NPAS3: variants seen among roughly 807,000 people sequenced by gnomAD.
NPAS3 encodes neuronal PAS domain-containing protein 3.
In NPAS3, 14 loss-of-function variants were observed where a neutral mutation model predicts 73.1. The ratio of observed to expected loss-of-function variants is 0.19; its 90% CI spans 0.13 to 0.30. The LOEUF is 0.30. NPAS3 is among the 10% of genes least tolerant of loss of function. NPAS3 has a pLI of 1.00. For missense variants in NPAS3, 1,096 were observed against 1,250.0 expected (o/e 0.88, Z 1.86); for synonymous variants, 620 against 541.5 (o/e 1.14, Z -2.01).
At chr14:33,486,345 A>G (rs1184264529) in intron 4 of NPAS3, among the ~76,000 whole-genome samples, 1 of 152,030 alleles carries the variant, frequency 6.6e-6, no homozygotes. Context: ...AGCTTTTCTC[A>G]GCCCTGAGCA....
intron 3 of NPAS3, among the ~76,000 whole-genome samples, chr14:33,248,283 T>C (rs1430005805): frequency 6.6e-6 from 1 of 152,224 alleles, no homozygotes; most frequent in Non-Finnish European, 1.5e-5. Context: ...CACTGCCACG[T>C]TGGCTGTCAT....
intron 4 of NPAS3, among the ~76,000 whole-genome samples, chr14:33,445,665 C>G (rs1016353104): frequency 6.6e-6 from 1 of 152,232 alleles, no homozygotes; most frequent in Non-Finnish European, 1.5e-5. Flanking sequence ...AGACCCAGAG[C>G]TTTAAATCTT....
intron 6 of NPAS3, among the ~76,000 whole-genome samples, chr14:33,693,614 T>A (rs572324034): frequency 6.6e-6 from 1 of 152,274 alleles, no homozygotes; most frequent in Non-Finnish European, 1.5e-5. Context: ...AGCGTAAAGA[T>A]CAGTTTCTTG....
At chr14:33,269,238 G>A (rs2040960723) in intron 3 of NPAS3, among the ~76,000 whole-genome samples, 2 of 152,148 alleles carry the variant, frequency 1.3e-5, no homozygotes, top group South Asian at 2.1e-4. Flanking sequence ...TCAGGCTTTA[G>A]TGAAAATCCT....
chr14:33,237,156 A>C (rs1041972296), intron 3 of NPAS3, among the ~76,000 whole-genome samples: 11 of 152,108 alleles, frequency 7.2e-5, no homozygotes, highest in Non-Finnish European at 2.9e-5. Context: ...TGTTCATTGA[A>C]TCTTTACTAT....
intron 3 of NPAS3, among the ~76,000 whole-genome samples, chr14:33,347,359 T>C (rs186648382): frequency 6.6e-6 from 1 of 152,330 alleles, no homozygotes; most frequent in East Asian, 1.9e-4. Flanking sequence ...ATTGGCACTG[T>C]GGGTTGTAAA....
chr14:33,381,013 T>C (rs1025658600), intron 4 of NPAS3, among the ~76,000 whole-genome samples: 1 of 152,076 alleles, frequency 6.6e-6, no homozygotes, highest in Admixed American at 6.6e-5. Context: ...TTTTTTTTTT[T>C]GTAAGTGGGA....
At chr14:33,600,497 A>G (rs186504282) in intron 5 of NPAS3, among the ~76,000 whole-genome samples, 1 of 152,336 alleles carries the variant, frequency 6.6e-6, no homozygotes, top group East Asian at 1.9e-4. Context: ...AACTGAATGA[A>G]TAGAATTGTA....
chr14:33,724,633 C>A (rs2140567403), intron 6 of NPAS3, among the ~76,000 whole-genome samples: 1 of 151,738 alleles, frequency 6.6e-6, no homozygotes. Context: ...ACACCAATCT[C>A]AAAAACAACA....
intron 4 of NPAS3, among the ~76,000 whole-genome samples, chr14:33,524,543 C>T (rs2053706099): frequency 6.6e-6 from 1 of 152,174 alleles, no homozygotes. Flanking sequence ...TCTACATGAT[C>T]TTAAAGCTTA....
intron 4 of NPAS3, among the ~76,000 whole-genome samples, chr14:33,421,010 G>A (rs988345011): frequency 1.3e-5 from 2 of 151,858 alleles, no homozygotes; most frequent in African/African-American, 2.4e-5. Flanking sequence ...AAGTGCTGTC[G>A]AATAACCAGG....
chr14:33,042,624 C>A (rs987391771), intron 1 of NPAS3, among the ~76,000 whole-genome samples: 1 of 152,182 alleles, frequency 6.6e-6, no homozygotes, highest in African/African-American at 2.4e-5. Context: ...GGCCACTTCA[C>A]ACAACCATTG....
At chr14:33,781,409 C>T (rs2062975124) in intron 9 of NPAS3, among the ~76,000 whole-genome samples, 2 of 152,182 alleles carry the variant, frequency 1.3e-5, no homozygotes, top group Admixed American at 1.3e-4. Flanking sequence ...AAAGCCAGCC[C>T]AGTAACAAAA....
chr14:32,985,095 T>C (rs1395488712), intron 1 of NPAS3, among the ~76,000 whole-genome samples: 4 of 148,852 alleles, frequency 2.7e-5, no homozygotes, highest in Non-Finnish European at 3.0e-5. Context: ...TATTTGTTGA[T>C]ATTCATGGGG....
chr14:33,360,494 C>T lies in NPAS3; in HGVS notation c.386-6692C>T, dbSNP rs2045548978. The stretch of plus-strand genomic sequence containing the variant: ...AAAAAGAGGAAATTCTCATTTCTTT[C>T]ACTGTATAAAGGGAATTAAATAGTT... On this transcript the variant is annotated intron_variant, in intron 3 of 11. Coordinates refer to ENST00000356141, the Ensembl canonical transcript of NPAS3. 2.0e-5 allele frequency among the ~76,000 whole-genome samples: 3 copies of T among 152,124 alleles called. No homozygotes were observed. The South Asian group carries it at 6.3e-4, about 32-fold the overall frequency.
At chr14:33,530,395 T>G (rs1327485509) in intron 4 of NPAS3, among the ~76,000 whole-genome samples, 2 of 152,192 alleles carry the variant, frequency 1.3e-5, no homozygotes. Context: ...GCAAGGGCAT[T>G]GAAGCAATTA....
intron 5 of NPAS3, among the ~76,000 whole-genome samples, chr14:33,647,831 A>G (rs770700543): frequency 4.6e-5 from 7 of 152,064 alleles, no homozygotes; most frequent in Non-Finnish European, 8.8e-5. Flanking sequence ...AATATTTTTA[A>G]TTCTAGAGCT....
At chr14:33,251,907 C>A (rs1377810331) in intron 3 of NPAS3, among the ~76,000 whole-genome samples, 1 of 151,908 alleles carries the variant, frequency 6.6e-6, no homozygotes, top group Non-Finnish European at 1.5e-5. Context: ...GGACCTGGCC[C>A]AATTTATTTC....
chr14:33,464,729 A>G (rs920587316), intron 4 of NPAS3, among the ~76,000 whole-genome samples: 14 of 152,092 alleles, frequency 9.2e-5, no homozygotes, highest in Admixed American at 9.2e-4. Flanking sequence ...TCTTTGATTT[A>G]TGGTCATAGG....
Sources: gnomAD v4.1 joint callset for allele counts (sites outside exome capture counted in the v4.1 genomes callset) on GRCh38, gnomAD v4.1.1 for gene constraint, MANE v1.5 for transcripts, NCBI Gene and HGNC (gene_info 2026-07-23, HGNC 2026-07-21) for gene names.